The following PDE8B variants were observed in gnomAD, a reference collection of about 807,000 sequenced individuals.
PDE8B encodes phosphodiesterase 8B, also known as high affinity cAMP-specific and IBMX-insensitive 3',5'-cyclic phosphodiesterase 8B.
In PDE8B, 26 loss-of-function variants were observed where a neutral mutation model predicts 101.3. That is an observed-to-expected ratio of 0.26 (90% confidence interval 0.19 to 0.36). The LOEUF (loss-of-function observed/expected upper bound fraction) is 0.36, where lower values mean the gene tolerates loss of function less well. PDE8B is among the 10% of genes least tolerant of loss of function. The probability of loss-of-function intolerance (pLI) is 1.00; values close to 1 mark genes in which losing one functional copy is unlikely to be tolerated. For synonymous variants in PDE8B, 424 were observed against 429.3 expected (o/e 0.99, Z 0.15); for missense variants, 810 against 1,163.1 (o/e 0.70, Z 4.42).
the PDE8B span, chr5:77,140,121 C>T: frequency 6.6e-6 from 1 of 152,222 alleles, no homozygotes; most frequent in African/African-American, 2.4e-5. Context: ...CACCAACTCT[C>T]AACCAGCTCT....
Position 77,254,624 on chromosome 5 carries a change from C to T in PDE8B, c.339+43360C>T, listed in dbSNP as rs1024936644. ...TTTTCATTTTTTTCCTATCAAGTTTCGATTTTGTGAAATACAGTTGAACAA... is the reference window on the plus strand; with the variant it reads ...TTTTCATTTTTTTCCTATCAAGTTTTGATTTTGTGAAATACAGTTGAACAA... On this transcript the variant is annotated intron_variant, in intron 1 of 21. Transcript: ENST00000264917. Among the ~76,000 whole-genome samples the T allele has an allele frequency of 9.2e-5, 14 of 151,728 alleles. No individual in the cohort carries two copies. The South Asian group carries it at 2.1e-3, about 23-fold the overall frequency.
chr5:77,310,157 G>C (rs906652350), intron 1 of PDE8B, among the ~76,000 whole-genome samples: 7 of 151,998 alleles, frequency 4.6e-5, no homozygotes, highest in African/African-American at 1.2e-4. Context: ...CACCATGTTG[G>C]CTAGGCTGGT....
intron 10 of PDE8B, among the ~76,000 whole-genome samples, chr5:77,394,144 T>G (rs1790524156): frequency 6.6e-6 from 1 of 152,200 alleles, no homozygotes. Context: ...AGGGAAGAAG[T>G]AAATTTTGCT....
At chr5:77,424,445 C>T (rs1433571030) in intron 20 of PDE8B, among the ~76,000 whole-genome samples, 2 of 152,178 alleles carry the variant, frequency 1.3e-5, no homozygotes, top group Non-Finnish European at 2.9e-5. Flanking sequence ...AATGCGGATC[C>T]TAATACTCAG....
At chr5:77,290,685 A>T (rs138255644) in intron 1 of PDE8B, 2 of 1,506,932 alleles carry the variant, frequency 1.3e-6, no homozygotes, top group Non-Finnish European at 1.8e-6. Context: ...TGGAGGACCT[A>T]TCTTGCCTTC....
At chr5:77,332,600 G>A (rs1777350512) in intron 5 of PDE8B, among the ~76,000 whole-genome samples, 2 of 152,180 alleles carry the variant, frequency 1.3e-5, no homozygotes, top group Non-Finnish European at 2.9e-5. Flanking sequence ...CACTTTGGGA[G>A]GCCAAGGCAG....
intron 10 of PDE8B, among the ~76,000 whole-genome samples, chr5:77,372,721 C>T (rs1785278446): frequency 6.6e-6 from 1 of 152,174 alleles, no homozygotes; most frequent in Non-Finnish European, 1.5e-5. Context: ...ATCATAATAT[C>T]CTCTCATCAT....
the PDE8B span, among the ~76,000 whole-genome samples, chr5:77,166,310 C>T: frequency 6.6e-3 from 998 of 151,764 alleles, 10 homozygotes; most frequent in African/African-American, 0.023. Flanking sequence ...ATAGGTCTCC[C>T]AGAATTCAGG....
At chr5:77,139,521 G>A in the PDE8B span, 87,147 of 152,058 alleles carry the variant, frequency 0.57, 25,150 homozygotes, top group African/African-American at 0.6. Flanking sequence ...GAAAATTCTC[G>A]GTCACTGTCA....
At chr5:77,255,086 T>C (rs1758829098) in intron 1 of PDE8B, among the ~76,000 whole-genome samples, 1 of 152,206 alleles carries the variant, frequency 6.6e-6, no homozygotes, top group Non-Finnish European at 1.5e-5. Flanking sequence ...CTCCCAAGAC[T>C]TTGGTCCTGG....
chr5:77,325,514 A>G lies in PDE8B; in HGVS notation c.400-25A>G, dbSNP rs182050842. ...TCTCTATGGATGATGATTTATTTCA[A>G]GATGCCCTTTTTGTTGTGTTTCAGG... is the stretch of plus-strand genomic sequence containing the variant. On this transcript the variant is annotated intron_variant, in intron 2 of 21. Transcript: ENST00000264917. 1,140 of 1,607,430 alleles carry G rather than the reference A, an allele frequency of 7.1e-4. 5 individuals are homozygous for G. The African/African-American group carries it at 0.014, about 19-fold the overall frequency.
chr5:77,233,508 G>T (rs1159862695), intron 1 of PDE8B, among the ~76,000 whole-genome samples: 1 of 152,142 alleles, frequency 6.6e-6, no homozygotes, highest in Admixed American at 6.5e-5. Flanking sequence ...TGGATGAGTA[G>T]CTTACTATGG....
chr5:77,120,800 C>T, the PDE8B span, among the ~76,000 whole-genome samples: 6 of 152,354 alleles, frequency 3.9e-5, no homozygotes, highest in Non-Finnish European at 7.3e-5. Flanking sequence ...CAGAACCTAA[C>T]ACCTGGGTGG....
chr5:77,233,008 G>A (rs1753886216), intron 1 of PDE8B, among the ~76,000 whole-genome samples: 1 of 152,212 alleles, frequency 6.6e-6, no homozygotes, highest in Non-Finnish European at 1.5e-5. Flanking sequence ...GCTTGGCAGT[G>A]TGGGGAGCTA....
chr5:77,126,103 G>A, the PDE8B span, among the ~76,000 whole-genome samples: 1 of 152,114 alleles, frequency 6.6e-6, no homozygotes, highest in South Asian at 2.1e-4. Flanking sequence ...TGGCTAACAC[G>A]GTGAAACCCC....
chr5:77,242,067 C>T (rs1481944965), intron 1 of PDE8B, among the ~76,000 whole-genome samples: 1 of 152,242 alleles, frequency 6.6e-6, no homozygotes, highest in Non-Finnish European at 1.5e-5. Flanking sequence ...ATTAAGCACT[C>T]CATTCTCTCT....
At chr5:77,280,854 G>A (rs1380282546) in intron 1 of PDE8B, among the ~76,000 whole-genome samples, 1 of 152,126 alleles carries the variant, frequency 6.6e-6, no homozygotes, top group Non-Finnish European at 1.5e-5. Flanking sequence ...CTAAGATCGC[G>A]CCACTGCACT....
At chr5:77,291,348 A>C in intron 1 of PDE8B, 1 of 1,612,322 alleles carries the variant, frequency 6.2e-7, no homozygotes, top group Non-Finnish European at 8.5e-7. Context: ...GGAAGAAGCA[A>C]AGAAAGAAGG....
the PDE8B span, among the ~76,000 whole-genome samples, chr5:77,167,127 A>G: frequency 6.6e-6 from 1 of 152,042 alleles, no homozygotes; most frequent in African/African-American, 2.4e-5. Flanking sequence ...AGACTCCACA[A>G]CTCTCCTAGA....
Sources: allele counts gnomAD v4.1 joint callset (sites outside exome capture counted in the v4.1 genomes callset), GRCh38; gene constraint gnomAD v4.1.1; transcripts MANE v1.5; gene names NCBI Gene and HGNC (gene_info 2026-07-23, HGNC 2026-07-21).